The following CADM1 variants were observed in gnomAD, a reference collection of about 807,000 sequenced individuals.
CADM1 encodes the protein TSLC-1.
In CADM1, 15 loss-of-function variants were observed where a neutral mutation model predicts 53.1. The observed-to-expected ratio is 0.28, with a 90% CI of 0.19 to 0.44. CADM1 has a LOEUF of 0.44. Among genes scored for constraint, CADM1 ranks in the 20% least tolerant of loss-of-function variants. CADM1 has a pLI of 1.00. For synonymous variants in CADM1, 281 were observed against 243.0 expected (o/e 1.16, Z -1.45); for missense variants, 434 against 611.3 (o/e 0.71, Z 3.06).
intron 1 of CADM1, among the ~76,000 whole-genome samples, chr11:115,354,611 G>T (rs1426838374): frequency 1.3e-5 from 2 of 152,094 alleles, no homozygotes; most frequent in Admixed American, 6.5e-5. Flanking sequence ...TTCTTTGAAG[G>T]GATTTACAGG....
chr11:115,169,508 T>TA lies in CADM1; in HGVS notation c.*6965_*6966insT. The TA allele has an allele frequency of 2.3e-6, 1 of 444,074 alleles. No homozygotes were observed. Among genetic ancestry groups the TA allele is most frequent in the South Asian group, 1.6e-5 (1 of 61,772 alleles). 27.5% of individuals were successfully genotyped at this position (444,074 alleles called of 1,614,324 possible). On this transcript the variant is annotated 3_prime_UTR_variant, in exon 12 of 12. Coordinates refer to ENST00000331581, the MANE Select transcript of CADM1 (RefSeq NM_001301043.2). ...AAAAAACCCAAGTAGGACATTTCAG[T>TA]TGACAGTAATGGCATTTTCCCTTCC...
intron 1 of CADM1, among the ~76,000 whole-genome samples, chr11:115,354,475 G>A (rs537398076): frequency 6.6e-6 from 1 of 152,302 alleles, no homozygotes; most frequent in Non-Finnish European, 1.5e-5. Flanking sequence ...GGGCAAGGAA[G>A]GAGGGTCAAG....
intron 1 of CADM1, among the ~76,000 whole-genome samples, chr11:115,319,394 G>C (rs2135183599): frequency 6.6e-6 from 1 of 152,262 alleles, no homozygotes; most frequent in East Asian, 1.9e-4. Context: ...GCAGAAAAAA[G>C]AAGGCTGAAT....
At chr11:115,227,650 A>C (rs1941661530) in intron 5 of CADM1, among the ~76,000 whole-genome samples, 1 of 152,204 alleles carries the variant, frequency 6.6e-6, no homozygotes, top group Non-Finnish European at 1.5e-5. Flanking sequence ...ATTATACCAC[A>C]ATAGTTTTAG....
intron 8 of CADM1, chr11:115,207,256 T>C (rs973962790): frequency 1.3e-5 from 2 of 152,176 alleles, no homozygotes; most frequent in Non-Finnish European, 2.9e-5. Flanking sequence ...ACTCAACTGC[T>C]AACATCAAGA....
At position 115,395,160 on chromosome 11, in the gene CADM1, AC is replaced by A. The variant is rs1014563343; in HGVS notation, c.124+109110del. Among the ~76,000 whole-genome samples, 26 of 152,206 alleles carry A rather than the reference AC, an allele frequency of 1.7e-4. No homozygotes were observed. The East Asian group carries it at 4.3e-3, about 25-fold the overall frequency. ...TTTTAAATGCCAAAGCCCAAACCAC[AC>A]CCCCAAACAATTAGATCACAATCTT... On this transcript the variant is annotated intron_variant, in intron 1 of 11. Transcript: ENST00000331581.
rs1419792350 is a variant in CADM1, at chr11:115,169,430, GAATGTTATAC to G, written c.*7034_*7043del. The G allele has an allele frequency of 5.4e-6, 2 of 370,668 alleles. No homozygotes were observed. Among genetic ancestry groups the G allele is most frequent in the Non-Finnish European group, 1.1e-5 (2 of 187,552 alleles). The allele number at this position is 370,668 out of a possible 1,614,324, so 23.0% of individuals were successfully genotyped here. A position where few individuals can be genotyped will look rare whatever the true frequency, so the allele number is the denominator to read the frequency against. ...GAATCAAGCCATCAAGAACAGCTGTGAATGTTATACAATTTCAGCAGCAGCAATGGGCTTT... is the reference window on the plus strand; with the variant it reads ...GAATCAAGCCATCAAGAACAGCTGTGAATTTCAGCAGCAGCAATGGGCTTT... On this transcript the variant is annotated 3_prime_UTR_variant, in exon 12 of 12. Transcript: ENST00000331581.
At chr11:115,272,322 C>T (rs1943321689) in intron 1 of CADM1, among the ~76,000 whole-genome samples, 1 of 152,068 alleles carries the variant, frequency 6.6e-6, no homozygotes, top group Non-Finnish European at 1.5e-5. Flanking sequence ...GAACACTCTA[C>T]TCTTGATTTT....
intron 1 of CADM1, among the ~76,000 whole-genome samples, chr11:115,454,417 T>C (rs1206325001): frequency 6.6e-6 from 1 of 152,192 alleles, no homozygotes; most frequent in Admixed American, 6.6e-5. Flanking sequence ...TAAATCAAAA[T>C]GGAAGTAAAT....
intron 1 of CADM1, among the ~76,000 whole-genome samples, chr11:115,386,266 T>C (rs938282351): frequency 1.3e-5 from 2 of 152,242 alleles, no homozygotes; most frequent in African/African-American, 2.4e-5. Context: ...AGAAAGCTTA[T>C]ATATCTGACC....
intron 1 of CADM1, among the ~76,000 whole-genome samples, chr11:115,351,154 T>C (rs7107623): frequency 1.3e-5 from 2 of 151,810 alleles, no homozygotes; most frequent in African/African-American, 2.4e-5. Context: ...TAAAAGCGAG[T>C]AGTTTTTAAA....
At chr11:115,310,720 C>T (rs1005058708) in intron 1 of CADM1, among the ~76,000 whole-genome samples, 1 of 152,158 alleles carries the variant, frequency 6.6e-6, no homozygotes, top group African/African-American at 2.4e-5. Flanking sequence ...TTATCTGATA[C>T]ATGGCCTCCA....
At chr11:115,343,719 T>TAAA (rs11406684) in intron 1 of CADM1, among the ~76,000 whole-genome samples, 53 of 137,864 alleles carry the variant, frequency 3.8e-4, no homozygotes, top group African/African-American at 1.1e-3. Context: ...ATACAGATTG[T>TAAA]AAAAAAAAAA....
intron 1 of CADM1, among the ~76,000 whole-genome samples, chr11:115,362,703 T>G (rs183682266): frequency 3.0e-3 from 463 of 152,184 alleles, no homozygotes; most frequent in African/African-American, 0.01. Context: ...AATGGATGAT[T>G]AAAAGCAAAG....
intron 1 of CADM1, among the ~76,000 whole-genome samples, chr11:115,302,235 G>A (rs1232513445): frequency 2.0e-5 from 3 of 152,084 alleles, no homozygotes; most frequent in African/African-American, 7.2e-5. Context: ...GAAATAATTT[G>A]TACAACAAAC....
intron 1 of CADM1, among the ~76,000 whole-genome samples, chr11:115,423,294 C>A (rs1212948191): frequency 6.6e-6 from 1 of 152,140 alleles, no homozygotes; most frequent in Admixed American, 6.6e-5. Flanking sequence ...GAGTTTCCCC[C>A]CTCCAGAAAG....
chr11:115,412,874 G>T (rs1034420277), intron 1 of CADM1, among the ~76,000 whole-genome samples: 3 of 152,114 alleles, frequency 2.0e-5, no homozygotes, highest in African/African-American at 4.8e-5. Context: ...CACAAGAAAT[G>T]ATATCATTTA....
chr11:115,392,129 C>G (rs1009293595), intron 1 of CADM1, among the ~76,000 whole-genome samples: 10 of 152,056 alleles, frequency 6.6e-5, no homozygotes, highest in African/African-American at 1.9e-4. Flanking sequence ...ACTCCTAGTC[C>G]TTCTTACCTT....
intron 1 of CADM1, among the ~76,000 whole-genome samples, chr11:115,398,416 T>C: frequency 6.6e-6 from 1 of 152,186 alleles, no homozygotes; most frequent in East Asian, 1.9e-4. Flanking sequence ...TGAACTAAAA[T>C]GGCCATGCCT....
Sources: gnomAD v4.1 joint callset for allele counts (sites outside exome capture counted in the v4.1 genomes callset) on GRCh38, gnomAD v4.1.1 for gene constraint, MANE v1.5 for transcripts, NCBI Gene and HGNC (gene_info 2026-07-23, HGNC 2026-07-21) for gene names.